KIAA1328: variants seen among roughly 807,000 people sequenced by gnomAD.
KIAA1328 encodes protein hinderin.
In KIAA1328, 52 loss-of-function variants were observed where a neutral mutation model predicts 68.1. That is an observed-to-expected ratio of 0.76 (90% CI 0.61 to 0.96). The LOEUF is 0.96. KIAA1328 is among the 40% of genes least tolerant of loss of function. The probability of loss-of-function intolerance (pLI) is 0.00; values close to 1 mark genes in which losing one functional copy is unlikely to be tolerated. For missense variants in KIAA1328, 641 were observed against 677.6 expected, an observed-to-expected ratio of 0.95 and a Z score of 0.60; for synonymous variants, 232 against 239.4, an observed-to-expected ratio of 0.97 and a Z score of 0.28.
At chr18:37,141,139 C>T (rs2058756004) in intron 7 of KIAA1328, among the ~76,000 whole-genome samples, 1 of 152,140 alleles carries the variant, frequency 6.6e-6, no homozygotes, top group Non-Finnish European at 1.5e-5. Context: ...ACATATCAAG[C>T]TTGATGTGTT....
chr18:36,899,323 G>A (rs2048960483), intron 5 of KIAA1328, among the ~76,000 whole-genome samples: 1 of 151,806 alleles, frequency 6.6e-6, no homozygotes, highest in African/African-American at 2.4e-5. Flanking sequence ...TGTATACTGA[G>A]ATTCTAATAC....
At chr18:37,215,228 A>T (rs1475474876) in intron 9 of KIAA1328, among the ~76,000 whole-genome samples, 1 of 152,178 alleles carries the variant, frequency 6.6e-6, no homozygotes, top group African/African-American at 2.4e-5. Flanking sequence ...GTCTTGTGCC[A>T]GTTTTCAAAG....
chr18:37,220,852 T>G (rs2060546624), intron 9 of KIAA1328, among the ~76,000 whole-genome samples: 1 of 152,150 alleles, frequency 6.6e-6, no homozygotes, highest in Non-Finnish European at 1.5e-5. Context: ...TTTTGTTTGT[T>G]TGTTTGCTCT....
intron 5 of KIAA1328, among the ~76,000 whole-genome samples, chr18:36,940,756 A>G (rs747541616): frequency 6.7e-6 from 1 of 150,234 alleles, no homozygotes; most frequent in East Asian, 2.0e-4. Context: ...GCTCACTGCA[A>G]CCTCTGCCTC....
At chr18:36,976,335 A>T (rs1195043880) in intron 6 of KIAA1328, among the ~76,000 whole-genome samples, 1 of 152,222 alleles carries the variant, frequency 6.6e-6, no homozygotes, top group East Asian at 1.9e-4. Flanking sequence ...TTGTTAGCTC[A>T]GGTGAGATCT....
At chr18:36,900,895 C>T (rs72887042) in intron 5 of KIAA1328, among the ~76,000 whole-genome samples, 2,718 of 152,034 alleles carry the variant, frequency 0.018, 38 homozygotes, top group South Asian at 0.029. Flanking sequence ...TTTAAAAAAT[C>T]CACACTTTTA....
intron 7 of KIAA1328, among the ~76,000 whole-genome samples, chr18:37,150,652 C>G (rs2059008623): frequency 6.6e-6 from 1 of 151,060 alleles, no homozygotes; most frequent in Admixed American, 6.6e-5. Context: ...AAGCATAATA[C>G]AGCTTGACTA....
chr18:37,007,522 G>A (rs940548864), intron 6 of KIAA1328, among the ~76,000 whole-genome samples: 3 of 152,132 alleles, frequency 2.0e-5, no homozygotes, highest in Admixed American at 6.5e-5. Context: ...GCAAGAAAGC[G>A]TGCTGGTAAT....
chr18:37,176,488 C>T (rs1469141075), intron 9 of KIAA1328, among the ~76,000 whole-genome samples: 1 of 152,204 alleles, frequency 6.6e-6, no homozygotes, highest in African/African-American at 2.4e-5. Context: ...CTCCATTTCA[C>T]TTCTGGCTCT....
chr18:37,226,734 GTTA>G (rs1217179445), downstream of KIAA1328, among the ~76,000 whole-genome samples: 3 of 57,436 alleles, frequency 5.2e-5, no homozygotes, highest in African/African-American at 2.0e-4. Flanking sequence ...TTTTTTTTTT[GTTA>G]TTATGAAGAA....
In KIAA1328 at chr18:36,898,162, A is replaced by G. The variant is rs772726405; in HGVS notation, c.448+12490A>G. Among the ~76,000 whole-genome samples the G allele has an allele frequency of 5.5e-4, 83 of 152,042 alleles. 1 individual carries two copies. The highest frequency in any genetic ancestry group is 7.5e-4 in the Non-Finnish European group (51 of 67,938). Reference sequence around the variant, plus strand: ...AAGTGGATGTGAAGACATATTTGATATATATCTTTCAAATGTTATCTTTTA... The same window carrying G: ...AAGTGGATGTGAAGACATATTTGATGTATATCTTTCAAATGTTATCTTTTA... On this transcript the variant is annotated intron_variant, in intron 5 of 9. Transcript: ENST00000280020.
chr18:37,152,628 G>A (rs1220907930), intron 7 of KIAA1328, among the ~76,000 whole-genome samples: 4 of 152,146 alleles, frequency 2.6e-5, no homozygotes, highest in South Asian at 4.1e-4. Flanking sequence ...ACAGTGGCGC[G>A]TTGGCAGAAG....
At chr18:37,167,167 A>T (rs902424745) in intron 8 of KIAA1328, among the ~76,000 whole-genome samples, 1 of 152,134 alleles carries the variant, frequency 6.6e-6, no homozygotes, top group African/African-American at 2.4e-5. Context: ...GCAGATGGGC[A>T]GGTTGTGGGG....
intron 8 of KIAA1328, among the ~76,000 whole-genome samples, chr18:37,166,022 G>A (rs565165235): frequency 6.7e-6 from 1 of 149,812 alleles, no homozygotes; most frequent in South Asian, 2.1e-4. Context: ...CTGATTGGGA[G>A]ATATTGGGGT....
At chr18:37,159,645 C>T (rs552772824) in intron 7 of KIAA1328, among the ~76,000 whole-genome samples, 1 of 152,126 alleles carries the variant, frequency 6.6e-6, no homozygotes, top group South Asian at 2.1e-4. Flanking sequence ...CATTAAAATG[C>T]CTTTTATTCT....
At chr18:36,907,082 C>A (rs2049250093) in intron 5 of KIAA1328, among the ~76,000 whole-genome samples, 1 of 151,978 alleles carries the variant, frequency 6.6e-6, no homozygotes, top group South Asian at 2.1e-4. Context: ...AGATTTCAGA[C>A]CCCAAATTTT....
intron 6 of KIAA1328, among the ~76,000 whole-genome samples, chr18:37,002,461 C>T (rs370266162): frequency 6.6e-6 from 1 of 151,514 alleles, no homozygotes; most frequent in East Asian, 1.9e-4. Flanking sequence ...CTTTAGTGAT[C>T]CTACCACCTT....
intron 6 of KIAA1328, among the ~76,000 whole-genome samples, chr18:36,997,925 G>A (rs2053452885): frequency 6.6e-6 from 1 of 152,150 alleles, no homozygotes. Context: ...ACTGGGGTAT[G>A]AGAAGGATGT....
chr18:36,908,789 C>G (rs981387569), intron 5 of KIAA1328, among the ~76,000 whole-genome samples: 4 of 152,074 alleles, frequency 2.6e-5, no homozygotes, highest in African/African-American at 9.7e-5. Flanking sequence ...TATTTGTATA[C>G]AAACATAAAA....
Sources: gnomAD v4.1 joint callset for allele counts (sites outside exome capture counted in the v4.1 genomes callset) on GRCh38, gnomAD v4.1.1 for gene constraint, MANE v1.5 for transcripts, NCBI Gene and HGNC (gene_info 2026-07-23, HGNC 2026-07-21) for gene names.